The following CATSPERE variants were observed in gnomAD, a reference collection of about 807,000 sequenced individuals.
CATSPERE encodes cation channel sperm-associated auxiliary subunit epsilon.
In CATSPERE, 93 loss-of-function variants were observed where a neutral mutation model predicts 114.1. The ratio of observed to expected loss-of-function variants is 0.81; its 90% CI spans 0.69 to 0.97. The LOEUF (loss-of-function observed/expected upper bound fraction) is 0.97, where lower values mean the gene tolerates loss of function less well. Among genes scored for constraint, CATSPERE ranks in the 50% least tolerant of loss-of-function variants. The pLI is 0.00. For synonymous variants in CATSPERE, 341 were observed against 384.1 expected (o/e 0.89, Z 1.31); for missense variants, 1,058 against 1,131.6 (o/e 0.93, Z 0.93).
At chr1:244,589,373 T>C (rs1452133378) in intron 14 of CATSPERE, among the ~76,000 whole-genome samples, 1 of 152,188 alleles carries the variant, frequency 6.6e-6, no homozygotes, top group African/African-American at 2.4e-5. Context: ...GATTGATAAT[T>C]AAGTATTTGC....
At chr1:244,553,580 C>CAAAA (rs1179306708) in intron 9 of CATSPERE, among the ~76,000 whole-genome samples, 1 of 27,000 alleles carries the variant, frequency 3.7e-5, no homozygotes, top group East Asian at 1.3e-3. Context: ...GACCCCGTCT[C>CAAAA]AAAAAAAAAA....
intron 8 of CATSPERE, among the ~76,000 whole-genome samples, chr1:244,545,798 G>T (rs531117047): frequency 7.9e-5 from 12 of 152,194 alleles, no homozygotes; most frequent in African/African-American, 2.9e-4. Flanking sequence ...TACATGATTG[G>T]GCCCTAACAG....
At chr1:244,557,526 AATATTCATATATATATATATATAT>A (rs1661766102) in intron 9 of CATSPERE, among the ~76,000 whole-genome samples, 2 of 57,414 alleles carry the variant, frequency 3.5e-5, no homozygotes, top group Non-Finnish European at 7.8e-5. Flanking sequence ...TTTTATTTGA[AATATTCATATATATATATATATAT>A]ATATATATAT....
At chr1:244,478,032 T>TA (rs2148150546) in intron 4 of CATSPERE, 57 bp downstream of exon 4, 2 of 1,298,740 alleles carry the variant, frequency 1.5e-6, no homozygotes, top group East Asian at 2.3e-5. Flanking sequence ...GTTATCCTGT[T>TA]ACATTTTATT....
rs1663996769 is a variant in CATSPERE, at chr1:244,568,845, G to C, written c.1508-3485G>C. ...TGGCTTCAGCCCCCTTTCCAGCGGA[G>C]TGAATCGTTCTCTCTCACTGGTGTT... On this transcript the variant is annotated intron_variant, in intron 10 of 21. Transcript: ENST00000366534. The surrounding 1 kb of genome is among the most constrained non-coding windows in gnomAD (Gnocchi z 4.4). Among the ~76,000 whole-genome samples, 1 of 152,162 alleles carries C rather than the reference G, an allele frequency of 6.6e-6. No homozygotes were observed. The highest frequency in any genetic ancestry group is 1.5e-5 in the Non-Finnish European group (1 of 68,032).
intron 7 of CATSPERE, among the ~76,000 whole-genome samples, chr1:244,512,016 G>GAAAA (rs1019717452): frequency 8.5e-5 from 13 of 152,260 alleles, no homozygotes; most frequent in African/African-American, 3.1e-4. Context: ...GTACCTTGGA[G>GAAAA]AAAACCTTTT....
rs1241277755 is a variant in CATSPERE, at chr1:244,560,734, C to T, written c.1096C>T (p.Leu366Phe). The T allele has an allele frequency of 6.2e-7, 1 of 1,613,854 alleles. No homozygotes were observed. The highest frequency in any genetic ancestry group is 8.5e-7 in the Non-Finnish European group (1 of 1,179,982). The change falls in exon 10 of 22, where the codon CTT (leucine) becomes TTT (phenylalanine). Residue 366 changes from leucine (L) to phenylalanine (F), a missense_variant. Leu to Phe is a conservative substitution (Grantham distance 22). Around this residue, in one of 2 missense-constraint regions of CATSPERE, gnomAD observed 787 missense variants for 905.6 expected, o/e 0.87. Coordinates refer to ENST00000366534, the MANE Select transcript of CATSPERE (RefSeq NM_001130957.2). ...TGAAATTTACCTCGGATCCATTCTT[C>T]TTAAGTTTGCCAGATTAGTAACTAC... ...ENEIYLGSIL[L>F]KFARLVTTTE...
chr1:244,543,099 C>T (rs1390633966), intron 8 of CATSPERE, among the ~76,000 whole-genome samples: 1 of 152,138 alleles, frequency 6.6e-6, no homozygotes, highest in East Asian at 1.9e-4. Flanking sequence ...CAATCCACTA[C>T]AGCTACCAGT....
At chr1:244,635,667 C>T (rs1181571380) in intron 21 of CATSPERE, 125 bp downstream of exon 21, 4 of 652,124 alleles carry the variant, frequency 6.1e-6, no homozygotes, top group East Asian at 2.8e-5. Context: ...TTTTCAGGGC[C>T]CCCAGCTTAA....
chr1:244,495,583 T>C (rs1672955663), intron 6 of CATSPERE, among the ~76,000 whole-genome samples: 1 of 152,102 alleles, frequency 6.6e-6, no homozygotes. Flanking sequence ...TATTTCAGCA[T>C]GGTGGTGCAT....
In CATSPERE at chr1:244,633,513, G is replaced by A. The variant is rs1282925092; in HGVS notation, c.2649-1976G>A. Among the ~76,000 whole-genome samples the A allele has an allele frequency of 6.6e-6, 1 of 151,890 alleles. No individual in the cohort carries two copies. The highest frequency in any genetic ancestry group is 1.9e-4 in the East Asian group (1 of 5,180). ...CCAAATCACTTTACAAACTGCTATT[G>A]AATTAAATTCAAAAACAGTCATGAC... On this transcript the variant is annotated intron_variant, in intron 20 of 21. Transcript: ENST00000366534. The surrounding 1 kb of genome is among the most constrained non-coding windows in gnomAD (Gnocchi z 4.1).
intron 8 of CATSPERE, among the ~76,000 whole-genome samples, chr1:244,532,965 C>T (rs1433726219): frequency 1.3e-5 from 2 of 150,810 alleles, no homozygotes; most frequent in Non-Finnish European, 2.9e-5. Flanking sequence ...AAGTGTCTGG[C>T]TATTATTGTA....
At chr1:244,637,376 G>A (rs2806599) in intron 21 of CATSPERE, among the ~76,000 whole-genome samples, 2 of 151,790 alleles carry the variant, frequency 1.3e-5, no homozygotes, top group Non-Finnish European at 2.9e-5. Flanking sequence ...ATCCAAAATC[G>A]TGGCCTTACC....
chr1:244,492,816 G>A (rs1337994058), intron 6 of CATSPERE, among the ~76,000 whole-genome samples: 3 of 147,612 alleles, frequency 2.0e-5, no homozygotes, highest in Non-Finnish European at 4.5e-5. Flanking sequence ...CAAACAGAGA[G>A]CCAAATCATG....
At chr1:244,621,765 G>A (rs1383300383) in intron 20 of CATSPERE, among the ~76,000 whole-genome samples, 1 of 152,066 alleles carries the variant, frequency 6.6e-6, no homozygotes, top group African/African-American at 2.4e-5. Flanking sequence ...CTGACCAGAA[G>A]ACCTGGAAAG....
chr1:244,493,654 T>C (rs932112991), intron 6 of CATSPERE, among the ~76,000 whole-genome samples: 2 of 152,126 alleles, frequency 1.3e-5, no homozygotes, highest in Admixed American at 1.3e-4. Context: ...ACCATCAGAG[T>C]GAACAGGCAA....
intron 20 of CATSPERE, among the ~76,000 whole-genome samples, chr1:244,629,528 G>A (rs1472189710): frequency 1.5e-5 from 1 of 66,746 alleles, no homozygotes; most frequent in African/African-American, 6.0e-5. Flanking sequence ...TTTTTTTTTG[G>A]TAGGGACAAG....
chr1:244,558,838 C>CT (rs1249771215), intron 9 of CATSPERE, among the ~76,000 whole-genome samples: 3 of 152,166 alleles, frequency 2.0e-5, no homozygotes, highest in Non-Finnish European at 4.4e-5. Flanking sequence ...AGGGAAGCTG[C>CT]TTTACACTCT....
intron 11 of CATSPERE, among the ~76,000 whole-genome samples, chr1:244,581,176 TGTA>T (rs1666121272): frequency 6.6e-6 from 1 of 152,126 alleles, no homozygotes; most frequent in Non-Finnish European, 1.5e-5. Context: ...CTACATATAT[TGTA>T]TTTTTGTCTT....
Sources: allele counts gnomAD v4.1 joint callset (sites outside exome capture counted in the v4.1 genomes callset), GRCh38; gene constraint gnomAD v4.1.1; regional missense constraint gnomAD v4.1.1; non-coding constraint Gnocchi (gnomAD v3.1); transcripts MANE v1.5; gene names NCBI Gene and HGNC (gene_info 2026-07-23, HGNC 2026-07-21).